MUC5AC: variants seen among roughly 807,000 people sequenced by gnomAD.
The protein encoded by MUC5AC is mucin-5AC.
MUC5AC carries 158 observed loss-of-function variants against 169.7 expected under a neutral mutation model. The ratio of observed to expected loss-of-function variants is 0.93; its 90% CI spans 0.82 to 1.06. The LOEUF (loss-of-function observed/expected upper bound fraction) is 1.06, where lower values mean the gene tolerates loss of function less well. Among genes scored for constraint, MUC5AC ranks in the 50% least tolerant of loss-of-function variants. The probability of loss-of-function intolerance (pLI) is 0.00; values close to 1 mark genes in which losing one functional copy is unlikely to be tolerated. For synonymous variants in MUC5AC, 1,975 were observed against 1,237.0 expected (o/e 1.60, Z -12.52); for missense variants, 4,359 against 3,089.9 (o/e 1.41, Z -9.74).
At position 1,163,834 on chromosome 11, in the gene MUC5AC, A is replaced by G. The variant is rs964952790; in HGVS notation, c.680-48A>G. On this transcript the variant is annotated intron_variant, in intron 6 of 48. Transcript: ENST00000621226. ...GCTCTGCTGCTCGGGTGCTGGGCTGACGGGTACCGGGACCTGCAGGCAGAG... is the reference window on the plus strand; with the variant it reads ...GCTCTGCTGCTCGGGTGCTGGGCTGGCGGGTACCGGGACCTGCAGGCAGAG... 2.7e-6 allele frequency: 4 copies of G among 1,457,806 alleles called. No homozygotes were observed. The Admixed American group carries it at 5.8e-5, about 21-fold the overall frequency. The allele number at this position is 1,457,806 out of a possible 1,614,324, so 90.3% of individuals were successfully genotyped here.
rs754246860 is a variant in MUC5AC at position 1,161,889 on chromosome 11, A to C, written c.212-18A>C. The C allele has an allele frequency of 6.2e-7, 1 of 1,607,290 alleles. No individual in the cohort carries two copies. Among genetic ancestry groups the C allele is most frequent in the South Asian group, 1.1e-5 (1 of 90,094 alleles). On this transcript the variant is annotated intron_variant, in intron 3 of 48. Transcript: ENST00000621226. ...GATGAGGGCGACGCCCCCAAACACC[A>C]TGCTGCTTCCACCGCAGCCTCCAAC...
rs1035738651 is a variant in MUC5AC, at chr11:1,178,486, G to A, written c.3130G>A (p.Val1044Ile). 2.6e-5 allele frequency: 27 copies of A among 1,024,442 alleles called. No individual in the cohort carries two copies. Among genetic ancestry groups the A allele is most frequent in the Middle Eastern group, 2.2e-4 (1 of 4,490 alleles). 63.5% of individuals were successfully genotyped at this position (1,024,442 alleles called of 1,614,324 possible). A position where few individuals can be genotyped will look rare whatever the true frequency, so the allele number is the denominator to read the frequency against. ...GLCGNFDDIA[V>I]NDFATRSRSV... ...GTGTGGGAACTTCGACGACATCGCC[G>A]TTAATGACTTTGCCACGCGGAGCCG... The change falls in exon 25 of 49, where the codon GTT (valine) becomes ATT (isoleucine). Residue 1044 changes from valine to isoleucine, a missense_variant. Val to Ile is a conservative substitution (Grantham distance 29, BLOSUM62 3). Coordinates refer to ENST00000621226, the MANE Select transcript of MUC5AC (RefSeq NM_001304359.2).
At position 1,164,157 on chromosome 11, in the gene MUC5AC, CTGG is replaced by C; in HGVS notation, c.845_847del (p.Val282del). On this transcript the variant is annotated inframe_deletion, in exon 8 of 49. Transcript: ENST00000621226. ...CCAGCTGTTCTCTGGCTGCGTGGCC[CTGG>C]TGGACGTCGGCAGCTACCTGGAGGC... is the stretch of plus-strand genomic sequence containing the variant. 1 of 1,612,504 alleles carries C rather than the reference CTGG, an allele frequency of 6.2e-7. No homozygotes were observed. Among genetic ancestry groups the C allele is most frequent in the African/African-American group, 1.3e-5 (1 of 75,044 alleles).
Position 1,187,982 on chromosome 11 carries a change from G to A in MUC5AC, c.9837G>A (p.Val3279=). Residue 3279 remains valine (V), a synonymous_variant, in exon 31 of 49, where the codon GTG becomes GTA. Coordinates refer to ENST00000621226, the MANE Select transcript of MUC5AC (RefSeq NM_001304359.2). Reference sequence around the variant, plus strand: ...GCCGAGCCGAGAGCCACCCGGAGGTGAGCATTGAACACCTGGGCCAGGTGG... The same window carrying A: ...GCCGAGCCGAGAGCCACCCGGAGGTAAGCATTGAACACCTGGGCCAGGTGG... ...LQCRAESHPE[V]SIEHLGQVVQ... 1.3e-6 allele frequency: 1 copy of A among 758,538 alleles called. No individual in the cohort carries two copies. Among genetic ancestry groups the A allele is most frequent in the South Asian group, 1.4e-5 (1 of 74,032 alleles). The allele number at this position is 758,538 out of a possible 1,614,324, so 47.0% of individuals were successfully genotyped here. A position where few individuals can be genotyped will look rare whatever the true frequency, so the allele number is the denominator to read the frequency against.
Position 1,191,542 on chromosome 11 carries a change from C to A in MUC5AC, c.13397C>A (p.Thr4466Asn), listed in dbSNP as rs1554928964. ...ATCTCTCTCCCTACAACCAGCACAA[C>A]CTCTGCTCCTATAACCAGCATGACC... is the stretch of plus-strand genomic sequence containing the variant. Reference protein sequence around the residue: ...STISLPTTSTTSAPITSMTSG... With the variant: ...STISLPTTSTNSAPITSMTSG... The change falls in exon 31 of 49, where the codon ACC becomes AAC. Residue 4466 changes from threonine (T) to asparagine (N), a missense_variant. Physicochemically the swap from Thr to Asn is moderately conservative, Grantham distance 65 (BLOSUM62 0). Transcript: ENST00000621226. 1 of 647,124 alleles carries A rather than the reference C, an allele frequency of 1.5e-6. No homozygotes were observed. Among genetic ancestry groups the A allele is most frequent in the African/African-American group, 1.8e-5 (1 of 54,900 alleles). 40.1% of individuals were successfully genotyped at this position (647,124 alleles called of 1,614,324 possible).
At position 1,180,339 on chromosome 11, in the gene MUC5AC, C is replaced by T. The variant is rs1860787434; in HGVS notation, c.3614-15C>T. On this transcript the variant is annotated splice_polypyrimidine_tract_variant and intron_variant, in intron 27 of 48. Coordinates refer to ENST00000621226, the MANE Select transcript of MUC5AC (RefSeq NM_001304359.2). ...CACTCGGTCTGGTTGTGACTCTGGC[C>T]TCTTTGGCCCACAGGCTGCTACCCC... is the stretch of plus-strand genomic sequence containing the variant. The T allele has an allele frequency of 2.5e-6, 1 of 398,616 alleles. No individual in the cohort carries two copies. The highest frequency in any genetic ancestry group is 4.4e-6 in the Non-Finnish European group (1 of 226,132). 24.7% of individuals were successfully genotyped at this position (398,616 alleles called of 1,614,324 possible).
Position 1,163,922 on chromosome 11 carries a change from G to T in MUC5AC, c.720G>T (p.Lys240Asn). ...LTPMEFGNLQ[K>N]MDDPTDQCQD... Reference sequence around the variant, plus strand: ...CCATGGAATTCGGGAACCTGCAGAAGATGGACGACCCCACGGACCAGTGTC... The same window carrying T: ...CCATGGAATTCGGGAACCTGCAGAATATGGACGACCCCACGGACCAGTGTC... Residue 240 changes from lysine (K) to asparagine (N), a missense_variant, in exon 7 of 49, where the codon AAG (lysine) becomes AAT (asparagine). Coordinates refer to ENST00000621226, the MANE Select transcript of MUC5AC (RefSeq NM_001304359.2). 1 of 1,611,298 alleles carries T rather than the reference G, an allele frequency of 6.2e-7. No individual in the cohort carries two copies.
chr11:1,176,694 G>T, intron 21 of MUC5AC, 29 bp downstream of exon 21: 1 of 398,664 alleles, frequency 2.5e-6, no homozygotes, highest in South Asian at 1.3e-4. Context: ...GCCCATGGGG[G>T]GTGTCAGGCC....
Position 1,199,196 on chromosome 11 carries a change from G to A in MUC5AC, c.16395+11G>A, listed in dbSNP as rs748050802. On this transcript the variant is annotated intron_variant, in intron 45 of 48. Transcript: ENST00000621226. ...GCCCACCTCTTCTACGTGAGTAGTG[G>A]CTGCCACAAAGAGGAAGGGCAGGGT... The A allele has an allele frequency of 4.0e-6, 3 of 757,954 alleles. No homozygotes were observed. Among genetic ancestry groups the A allele is most frequent in the Non-Finnish European group, 7.2e-6 (3 of 415,116 alleles). The allele number at this position is 757,954 out of a possible 1,614,324, so 47.0% of individuals were successfully genotyped here.
intron 15 of MUC5AC, among the ~76,000 whole-genome samples, chr11:1,171,044 C>T (rs1295644335): frequency 2.4e-5 from 3 of 126,850 alleles, no homozygotes; most frequent in South Asian, 5.3e-4. Context: ...ACCCACTCAC[C>T]GACTCACCCA....
rs1395606363 is a variant in MUC5AC, at chr11:1,191,123, C to T, written c.12978C>T (p.Thr4326=). ...GAACTACTCCCAGCCCTGTTCCCAC[C>T]ACCAGCACAACCTCTGCTCCTATAA... ...GPGTTPSPVP[T]TSTTSAPITS... The change falls in exon 31 of 49, where the codon ACC becomes ACT. Residue 4326 remains threonine (T), a synonymous_variant. Transcript: ENST00000621226. 488 of 694,474 alleles carry T rather than the reference C, an allele frequency of 7.0e-4. 1 individual carries two copies. Among genetic ancestry groups the T allele is most frequent in the Non-Finnish European group, 1.0e-3 (393 of 377,402 alleles). 43.0% of individuals were successfully genotyped at this position (694,474 alleles called of 1,614,324 possible).
intron 10 of MUC5AC, 86 bp from the exon 11 acceptor site, chr11:1,165,536 G>T (rs1233443735): frequency 1.6e-5 from 26 of 1,590,342 alleles, no homozygotes; most frequent in Non-Finnish European, 2.2e-5. Context: ...CAGGCCTGGG[G>T]TGAGACCCGG....
rs1166113486 is a variant in MUC5AC at position 1,169,037 on chromosome 11, C to T, written c.1870+11C>T. 1 of 1,551,562 alleles carries T rather than the reference C, an allele frequency of 6.4e-7. No homozygotes were observed. Among genetic ancestry groups the T allele is most frequent in the East Asian group, 2.3e-5 (1 of 44,056 alleles). ...TGAGCGTGGAGAATGGTACGGGTGT[C>T]CACGGCTCGCCTCTGTGCTGGCCGC... On this transcript the variant is annotated intron_variant, in intron 15 of 48. Coordinates refer to ENST00000621226, the MANE Select transcript of MUC5AC (RefSeq NM_001304359.2).
rs546570737 is a variant in MUC5AC at position 1,164,033 on chromosome 11, G to C, written c.789+42G>C. The C allele has an allele frequency of 2.4e-5, 39 of 1,609,006 alleles. No individual in the cohort carries two copies. The Admixed American group carries it at 6.5e-4, about 27-fold the overall frequency. ...ACAGAGGGCCCAGCAGGTTGAGCAG[G>C]AGGGGTTGTGAGCCTGGGAACCGGT... is the stretch of plus-strand genomic sequence containing the variant. On this transcript the variant is annotated intron_variant, in intron 7 of 48. Transcript: ENST00000621226.
rs118196321 is a variant in MUC5AC at position 1,180,421 on chromosome 11, C to A, written c.3681C>A (p.Thr1227=). 13 of 398,672 alleles carry A rather than the reference C, an allele frequency of 3.3e-5. No homozygotes were observed. The highest frequency in any genetic ancestry group is 5.3e-5 in the Non-Finnish European group (12 of 226,174). The allele number at this position is 398,672 out of a possible 1,614,324, so 24.7% of individuals were successfully genotyped here. ...AGGACAAGATGCAGTGTGTGGCCAC[C>A]TGCCCAACCCCGCCTCTGCCACCAC... The part of the protein sequence containing the change: ...FDEDKMQCVA[T]CPTPPLPPRC... Residue 1227 remains threonine (T), a synonymous_variant, in exon 28 of 49, where the codon ACC becomes ACA. Transcript: ENST00000621226.
intron 15 of MUC5AC, among the ~76,000 whole-genome samples, chr11:1,169,727 A>G (rs1279460166): frequency 7.9e-6 from 1 of 127,226 alleles, no homozygotes; most frequent in East Asian, 2.5e-4. Flanking sequence ...TGACTCAACT[A>G]TTCACTCACC....
intron 1 of MUC5AC, among the ~76,000 whole-genome samples, 151 bp downstream of exon 1, chr11:1,158,223 C>T (rs950195636): frequency 2.0e-4 from 30 of 152,358 alleles, no homozygotes; most frequent in South Asian, 1.4e-3. Flanking sequence ...GGCCTGGCCA[C>T]GAACGAGCAG....
rs1860571473 is a variant in MUC5AC at position 1,172,466 on chromosome 11, T to C, written c.1908T>C (p.Asp636=). The change falls in exon 16 of 49, where the codon GAT becomes GAC. Residue 636 remains aspartate (D), a synonymous_variant. Coordinates refer to ENST00000621226, the MANE Select transcript of MUC5AC (RefSeq NM_001304359.2). The part of the protein sequence containing the change: ...YAQHWCSQLT[D]ADGPFGRCHA... The stretch of plus-strand genomic sequence containing the variant: ...AGCACTGGTGCTCGCAGCTGACCGA[T>C]GCCGACGGCCCCTTCGGCCGGTGCC... The C allele has an allele frequency of 2.5e-6, 1 of 398,558 alleles. No individual in the cohort carries two copies. The highest frequency in any genetic ancestry group is 3.6e-5 in the East Asian group (1 of 28,080). The allele number at this position is 398,558 out of a possible 1,614,324, so 24.7% of individuals were successfully genotyped here.
At chr11:1,165,793 C>G (rs2133721631) in intron 11 of MUC5AC, 33 bp downstream of exon 11, 1 of 1,608,722 alleles carries the variant, frequency 6.2e-7, no homozygotes, top group South Asian at 1.1e-5. Context: ...GCTCGCCGGA[C>G]AGAGGGGGCC....
Sources: allele counts gnomAD v4.1 joint callset (sites outside exome capture counted in the v4.1 genomes callset), GRCh38; gene constraint gnomAD v4.1.1; transcripts MANE v1.5; gene names NCBI Gene and HGNC (gene_info 2026-07-23, HGNC 2026-07-21).